Variants in MBNL2 observed in about 807,000 individuals in gnomAD.
MBNL2 encodes the protein muscleblind like splicing regulator 2, also known as muscleblind-like protein 2.
MBNL2 carries 17 observed loss-of-function variants against 41.9 expected under a neutral mutation model. The ratio of observed to expected loss-of-function variants is 0.41; its 90% confidence interval spans 0.28 to 0.61. The LOEUF is 0.61. Ranked by LOEUF, MBNL2 falls within the 20% of genes least tolerant of loss-of-function variation. MBNL2 has a pLI of 0.35. For synonymous variants in MBNL2, 195 were observed against 182.9 expected, an observed-to-expected ratio of 1.07 and a Z score of -0.53; for missense variants, 336 against 505.6, an observed-to-expected ratio of 0.66 and a Z score of 3.22.
the MBNL2 span, among the ~76,000 whole-genome samples, chr13:97,167,278 G>A: frequency 6.6e-6 from 1 of 152,032 alleles, no homozygotes; most frequent in African/African-American, 2.4e-5. Context: ...GCTTAAAGAG[G>A]TAGATGAATT....
intron 8 of MBNL2, among the ~76,000 whole-genome samples, chr13:97,368,994 T>G (rs2064119740): frequency 6.9e-6 from 1 of 144,780 alleles, no homozygotes; most frequent in Non-Finnish European, 1.6e-5. Context: ...TGGATTGCAC[T>G]TAAATGATGA....
intron 2 of MBNL2, among the ~76,000 whole-genome samples, chr13:97,318,074 TC>T (rs2059205878): frequency 1.3e-5 from 2 of 152,230 alleles, no homozygotes; most frequent in Non-Finnish European, 2.9e-5. Context: ...GTCTGGATCT[TC>T]CTCTTACTAG....
chr13:97,294,812 T>A (rs1183146176), intron 2 of MBNL2, among the ~76,000 whole-genome samples: 1 of 152,242 alleles, frequency 6.6e-6, no homozygotes, highest in African/African-American at 2.4e-5. Flanking sequence ...CTATGTTAAC[T>A]CATAGATTAC....
intron 2 of MBNL2, among the ~76,000 whole-genome samples, chr13:97,311,072 TC>T (rs1174675033): frequency 6.6e-6 from 1 of 152,108 alleles, no homozygotes; most frequent in Non-Finnish European, 1.5e-5. Flanking sequence ...AAATCCATAC[TC>T]CTTAATCTAA....
the MBNL2 span, among the ~76,000 whole-genome samples, chr13:97,143,018 A>G: frequency 6.6e-6 from 1 of 152,132 alleles, no homozygotes; most frequent in Non-Finnish European, 1.5e-5. Context: ...CTACCTAGCT[A>G]CCTAGCCCAG....
intron 1 of MBNL2, among the ~76,000 whole-genome samples, chr13:97,230,628 A>G (rs919624242): frequency 3.3e-5 from 5 of 152,238 alleles, no homozygotes; most frequent in African/African-American, 1.2e-4. Flanking sequence ...AGAGAATAAG[A>G]GCTAGCAAAG....
intron 5 of MBNL2, 40 bp from the exon 6 acceptor site, chr13:97,356,756 G>A: frequency 7.7e-7 from 1 of 1,291,694 alleles, no homozygotes; most frequent in Non-Finnish European, 1.0e-6. Flanking sequence ...GAATCCCATT[G>A]GCCCACTGCC....
the MBNL2 span, among the ~76,000 whole-genome samples, chr13:97,189,147 G>A: frequency 6.6e-6 from 1 of 151,944 alleles, no homozygotes; most frequent in Non-Finnish European, 1.5e-5. Context: ...CCTAACCTCA[G>A]CCTCCCAAAA....
the MBNL2 span, among the ~76,000 whole-genome samples, chr13:97,204,945 CAG>C: frequency 6.6e-6 from 1 of 151,910 alleles, no homozygotes; most frequent in African/African-American, 2.4e-5. Context: ...GAGGCTGAGA[CAG>C]GGGTTCATGA....
intron 2 of MBNL2, among the ~76,000 whole-genome samples, chr13:97,282,667 C>T (rs755100408): frequency 6.6e-6 from 1 of 152,198 alleles, no homozygotes; most frequent in Non-Finnish European, 1.5e-5. Flanking sequence ...TTCTTGGACC[C>T]ACCAGTTGTA....
chr13:97,338,955 C>A (rs74663940), intron 3 of MBNL2, among the ~76,000 whole-genome samples: 2,426 of 152,234 alleles, frequency 0.016, 62 homozygotes, highest in African/African-American at 0.048. Flanking sequence ...CTTGGCTAAG[C>A]CCCCTTGCTG....
rs74106908 is a variant in MBNL2 at position 97,317,128 on chromosome 13, G to A, written c.175-17148G>A. Among the ~76,000 whole-genome samples the A allele has an allele frequency of 6.9e-3, 1,055 of 152,276 alleles. 13 individuals carry two copies. The highest frequency in any genetic ancestry group is 0.025 in the African/African-American group (1,036 of 41,532). Reference sequence around the variant, plus strand: ...AGGAGACAGGGTGGGTATGTATCTAGGGCTGGGTAACTCAATGTGGGAGAT... The same window carrying A: ...AGGAGACAGGGTGGGTATGTATCTAAGGCTGGGTAACTCAATGTGGGAGAT... On this transcript the variant is annotated intron_variant, in intron 2 of 8. Coordinates refer to ENST00000679496, the MANE Select transcript of MBNL2 (RefSeq NM_001382683.1).
intron 8 of MBNL2, among the ~76,000 whole-genome samples, chr13:97,378,852 T>G (rs548839415): frequency 6.6e-5 from 10 of 152,300 alleles, no homozygotes; most frequent in Non-Finnish European, 1.5e-5. Flanking sequence ...ATATCAGATG[T>G]GTATATACAT....
intron 1 of MBNL2, among the ~76,000 whole-genome samples, chr13:97,274,478 C>T (rs1044942495): frequency 6.6e-6 from 1 of 151,552 alleles, no homozygotes; most frequent in African/African-American, 2.4e-5. Context: ...GCCTGGGTGA[C>T]AGGGTCCAGT....
upstream of MBNL2, among the ~76,000 whole-genome samples, chr13:97,218,092 G>T (rs1319874575): frequency 1.3e-5 from 2 of 152,146 alleles, no homozygotes; most frequent in Non-Finnish European, 2.9e-5. Flanking sequence ...AGGTAAAAAT[G>T]AGTCATCTCT....
rs1273111819 is a variant in MBNL2 at position 97,268,704 on chromosome 13, G to A, written c.-604-6928G>A. Among the ~76,000 whole-genome samples the A allele has an allele frequency of 6.6e-6, 1 of 152,202 alleles. No homozygotes were observed. Among genetic ancestry groups the A allele is most frequent in the Non-Finnish European group, 1.5e-5 (1 of 68,042 alleles). The stretch of plus-strand genomic sequence containing the variant: ...TCAGGAGCTCATTCAACAAACATTT[G>A]TCCAGTATATTCTGCATACCAGGCA... On this transcript the variant is annotated intron_variant, in intron 1 of 8. Transcript: ENST00000679496. The surrounding 1 kb of genome is among the most constrained non-coding windows in gnomAD (Gnocchi z 4.6).
the MBNL2 span, among the ~76,000 whole-genome samples, chr13:97,160,220 G>C: frequency 6.6e-6 from 1 of 152,218 alleles, no homozygotes; most frequent in East Asian, 1.9e-4. Flanking sequence ...ATGGTTGCCT[G>C]TCAAGCCAAT....
intron 2 of MBNL2, among the ~76,000 whole-genome samples, chr13:97,318,406 G>A (rs1315347313): frequency 6.6e-6 from 1 of 152,114 alleles, no homozygotes; most frequent in Non-Finnish European, 1.5e-5. Flanking sequence ...TCAGGCCTCA[G>A]TTCTCTGTCT....
intron 3 of MBNL2, among the ~76,000 whole-genome samples, chr13:97,342,218 C>T (rs1250769775): frequency 6.6e-6 from 1 of 152,188 alleles, no homozygotes. Flanking sequence ...ATCATCACCT[C>T]AACCCACTAG....
Sources: allele counts gnomAD v4.1 joint callset (sites outside exome capture counted in the v4.1 genomes callset), GRCh38; gene constraint gnomAD v4.1.1; non-coding constraint Gnocchi (gnomAD v3.1); transcripts MANE v1.5; gene names NCBI Gene and HGNC (gene_info 2026-07-23, HGNC 2026-07-21).